The following SHROOM3 variants were observed in gnomAD, a reference collection of about 807,000 sequenced individuals.
SHROOM3 encodes protein Shroom3.
Under a neutral mutation model 138.6 loss-of-function variants are expected in SHROOM3, and 47 were observed. The observed-to-expected ratio is 0.34, with a 90% confidence interval of 0.27 to 0.43. The LOEUF (loss-of-function observed/expected upper bound fraction) is 0.43. Among genes scored for constraint, SHROOM3 ranks in the 20% least tolerant of loss-of-function variants. The pLI, the probability that SHROOM3 is intolerant of heterozygous loss-of-function variation, is 1.00. For synonymous variants in SHROOM3, 1,062 were observed against 1,063.3 expected (o/e 1.00, Z 0.02); for missense variants, 2,491 against 2,596.5 (o/e 0.96, Z 0.88).
At chr4:76,686,943 T>C (rs1159564498) in intron 2 of SHROOM3, among the ~76,000 whole-genome samples, 1 of 152,226 alleles carries the variant, frequency 6.6e-6, no homozygotes, top group African/African-American at 2.4e-5. Flanking sequence ...TGTACCTCTG[T>C]GCAGGTGGGT....
At chr4:76,441,082 A>ATTTTT (rs1354191068) in intron 1 of SHROOM3, among the ~76,000 whole-genome samples, 6 of 55,960 alleles carry the variant, frequency 1.1e-4, no homozygotes, top group Admixed American at 2.2e-4. Context: ...CCTGAGTTCA[A>ATTTTT]TTTGTTTTTT....
At chr4:76,625,363 A>G (rs1735109877) in intron 2 of SHROOM3, among the ~76,000 whole-genome samples, 2 of 152,186 alleles carry the variant, frequency 1.3e-5, no homozygotes, top group South Asian at 2.1e-4. Flanking sequence ...ATACAACAGA[A>G]CATTCTTCTT....
At chr4:76,668,751 G>A (rs1445644225) in intron 2 of SHROOM3, among the ~76,000 whole-genome samples, 1 of 152,192 alleles carries the variant, frequency 6.6e-6, no homozygotes, top group East Asian at 1.9e-4. Context: ...AATAGAGGAT[G>A]AAGATACAAT....
At chr4:76,757,909 CTAAA>C (rs939725107) in intron 8 of SHROOM3, 7 of 152,080 alleles carry the variant, frequency 4.6e-5, no homozygotes, top group African/African-American at 1.4e-4. Context: ...GGCTTCCAGA[CTAAA>C]TAAAAACAGA....
intron 1 of SHROOM3, among the ~76,000 whole-genome samples, chr4:76,493,637 A>G (rs988731891): frequency 2.0e-5 from 3 of 152,186 alleles, no homozygotes; most frequent in African/African-American, 7.2e-5. Flanking sequence ...ATTCTTAAGT[A>G]TCTCCTCTAC....
intron 1 of SHROOM3, among the ~76,000 whole-genome samples, chr4:76,500,942 G>A (rs556077392): frequency 2.0e-4 from 31 of 152,136 alleles, no homozygotes; most frequent in African/African-American, 7.2e-4. Flanking sequence ...TAGTAGTTGG[G>A]ACTACAAGCG....
At chr4:76,615,777 G>T (rs1422320137) in intron 2 of SHROOM3, among the ~76,000 whole-genome samples, 2 of 151,840 alleles carry the variant, frequency 1.3e-5, no homozygotes, top group Non-Finnish European at 2.9e-5. Context: ...CACATTCACT[G>T]GGATTTGAGT....
At chr4:76,595,495 G>A (rs763024324) in intron 2 of SHROOM3, among the ~76,000 whole-genome samples, 3 of 152,148 alleles carry the variant, frequency 2.0e-5, no homozygotes, top group African/African-American at 7.2e-5. Context: ...CAGGCATCAC[G>A]TCCTCACAGA....
At chr4:76,599,256 G>T (rs370634300) in intron 2 of SHROOM3, among the ~76,000 whole-genome samples, 226 of 152,102 alleles carry the variant, frequency 1.5e-3, no homozygotes, top group South Asian at 6.7e-3. Flanking sequence ...TAAGAGGAGG[G>T]CTTCAGTAGT....
chr4:76,621,793 C>A (rs2110066671), intron 2 of SHROOM3, among the ~76,000 whole-genome samples: 1 of 151,932 alleles, frequency 6.6e-6, no homozygotes, highest in Non-Finnish European at 1.5e-5. Context: ...TAACATAGTT[C>A]CAGCGTTTTC....
At chr4:76,463,383 G>T (rs1363226630) in intron 1 of SHROOM3, among the ~76,000 whole-genome samples, 1 of 152,192 alleles carries the variant, frequency 6.6e-6, no homozygotes. Flanking sequence ...TAACAGCTTA[G>T]GCTCATATGT....
chr4:76,590,860 G>A (rs528611324), intron 2 of SHROOM3, among the ~76,000 whole-genome samples: 4 of 152,188 alleles, frequency 2.6e-5, no homozygotes, highest in South Asian at 4.2e-4. Context: ...TAGCGATCCT[G>A]TCGGCAGCTG....
intron 2 of SHROOM3, among the ~76,000 whole-genome samples, chr4:76,657,828 G>A (rs1251254209): frequency 6.6e-6 from 1 of 152,208 alleles, no homozygotes; most frequent in Admixed American, 6.5e-5. Flanking sequence ...CTGGTCCCCT[G>A]CAGACTGGGC....
intron 1 of SHROOM3, among the ~76,000 whole-genome samples, chr4:76,501,713 GCCTCCATAAAAATT>G (rs1732099884): frequency 6.6e-6 from 1 of 152,114 alleles, no homozygotes; most frequent in Non-Finnish European, 1.5e-5. Context: ...ACGTGATAAA[GCCTCCATAAAAATT>G]CCTAAACTAT....
At chr4:76,452,786 C>G (rs1250102073) in intron 1 of SHROOM3, among the ~76,000 whole-genome samples, 2 of 152,154 alleles carry the variant, frequency 1.3e-5, no homozygotes, top group Non-Finnish European at 2.9e-5. Flanking sequence ...GGCACGATCT[C>G]AGCTCACTGC....
chr4:76,634,451 G>C (rs771814349), intron 2 of SHROOM3, among the ~76,000 whole-genome samples: 4 of 152,152 alleles, frequency 2.6e-5, no homozygotes, highest in Non-Finnish European at 5.9e-5. Context: ...GCTTTAATTG[G>C]TATGTAGAGG....
In SHROOM3 at chr4:76,755,150, A is replaced by G; in HGVS notation, c.4667A>G (p.Glu1556Gly). 6.2e-7 allele frequency: 1 copy of G among 1,611,080 alleles called. No individual in the cohort carries two copies. The highest frequency in any genetic ancestry group is 8.5e-7 in the Non-Finnish European group (1 of 1,179,678). ...FPPPPPHTVC[E>G]AQLDSEDPEG... is the part of the protein sequence containing the mutation. ...CCACCTCCTCCCCACACTGTATGTG[A>G]GGCGCAGCTGGACAGTGAGGATCCC... Residue 1556 changes from glutamate to glycine, a missense_variant, in exon 7 of 11, where the codon GAG (glutamate) becomes GGG (glycine). Physicochemically the swap from Glu to Gly is moderately conservative, Grantham distance 98. Around this residue, in one of 4 missense-constraint regions of SHROOM3, gnomAD observed 470 missense variants for 595.0 expected, o/e 0.79. Coordinates refer to ENST00000296043, the MANE Select transcript of SHROOM3 (RefSeq NM_020859.4).
At chr4:76,621,830 C>CT (rs1437662557) in intron 2 of SHROOM3, among the ~76,000 whole-genome samples, 3,684 of 133,344 alleles carry the variant, frequency 0.028, 51 homozygotes, top group African/African-American at 0.036. Context: ...TTTGAATGTT[C>CT]TTTTTTTTTT....
chr4:76,531,008 C>G (rs1579216615), intron 1 of SHROOM3, among the ~76,000 whole-genome samples: 1 of 152,186 alleles, frequency 6.6e-6, no homozygotes, highest in Non-Finnish European at 1.5e-5. Flanking sequence ...CCTCTATCTT[C>G]CTAGTGTAAT....
Sources: allele counts gnomAD v4.1 joint callset (sites outside exome capture counted in the v4.1 genomes callset), GRCh38; gene constraint gnomAD v4.1.1; regional missense constraint gnomAD v4.1.1; transcripts MANE v1.5; gene names NCBI Gene and HGNC (gene_info 2026-07-23, HGNC 2026-07-21).